ZBTB20: variants seen among roughly 807,000 people sequenced by gnomAD.
The protein encoded by ZBTB20 is zinc finger and BTB domain containing 20.
ZBTB20 carries 9 observed loss-of-function variants against 56.9 expected under a neutral mutation model. The observed-to-expected ratio is 0.16, with a 90% CI of 0.10 to 0.28. The LOEUF is 0.28. ZBTB20 is among the 10% of genes least tolerant of loss of function. The probability of loss-of-function intolerance (pLI) is 1.00; values close to 1 mark genes in which losing one functional copy is unlikely to be tolerated. For synonymous variants in ZBTB20, 417 were observed against 420.7 expected (o/e 0.99, Z 0.11); for missense variants, 655 against 1,003.0 (o/e 0.65, Z 4.69).
chr3:114,865,638 G>A (rs73857864), intron 4 of ZBTB20, among the ~76,000 whole-genome samples: 1 of 152,128 alleles, frequency 6.6e-6, no homozygotes, highest in African/African-American at 2.4e-5. Flanking sequence ...GAAGAAATTT[G>A]TTGCAAAGCC....
chr3:114,854,531 C>T (rs551312418), intron 4 of ZBTB20, among the ~76,000 whole-genome samples: 2 of 152,236 alleles, frequency 1.3e-5, no homozygotes, highest in African/African-American at 4.8e-5. Flanking sequence ...TTTTCTGTGG[C>T]TTTAAATTGG....
intron 3 of ZBTB20, among the ~76,000 whole-genome samples, chr3:114,905,178 T>G (rs941037460): frequency 2.4e-4 from 37 of 151,952 alleles, no homozygotes; most frequent in African/African-American, 8.9e-4. Context: ...TAACTTAAAC[T>G]TCACAACTTT....
chr3:115,068,942 A>G (rs1050660873), intron 2 of ZBTB20, among the ~76,000 whole-genome samples: 1 of 152,104 alleles, frequency 6.6e-6, no homozygotes, highest in South Asian at 2.1e-4. Flanking sequence ...CACTGAATCA[A>G]CCACTATAAC....
intron 6 of ZBTB20, among the ~76,000 whole-genome samples, chr3:114,554,592 G>A (rs1369791522): frequency 6.6e-6 from 1 of 152,100 alleles, no homozygotes; most frequent in African/African-American, 2.4e-5. Flanking sequence ...CTCATAAAAG[G>A]TGATGCATAT....
Position 114,662,176 on chromosome 3 carries a change from T to C in ZBTB20, c.-295+31352A>G, listed in dbSNP as rs1375586245. On this transcript the variant is annotated intron_variant, in intron 6 of 11. Coordinates refer to ENST00000675478, the MANE Select transcript of ZBTB20 (RefSeq NM_001348800.3). Reference sequence around the variant, plus strand: ...GGTGTTTGGTTTTTTGTTCTTGCGATAGTTTACTGAGAATGATGATTTCCA... The same window carrying C: ...GGTGTTTGGTTTTTTGTTCTTGCGACAGTTTACTGAGAATGATGATTTCCA... Among the ~76,000 whole-genome samples the C allele has an allele frequency of 5.3e-5, 8 of 151,700 alleles. No individual in the cohort carries two copies. The East Asian group carries it at 1.4e-3, about 26-fold the overall frequency.
chr3:114,333,002 C>G lies in ZBTB20; in HGVS notation c.*6003G>C, dbSNP rs763131881. The stretch of plus-strand genomic sequence containing the variant: ...TCACTCTAAAAAGGATGGAAACAAG[C>G]CCTACTGTTCCATAACCATTCCCAG... On this transcript the variant is annotated 3_prime_UTR_variant, in exon 12 of 12. Coordinates refer to ENST00000675478, the MANE Select transcript of ZBTB20 (RefSeq NM_001348800.3). The G allele has an allele frequency of 6.6e-6, 1 of 152,204 alleles. No individual in the cohort carries two copies. Among genetic ancestry groups the G allele is most frequent in the Non-Finnish European group, 1.5e-5 (1 of 68,040 alleles). The allele number at this position is 152,204 out of a possible 1,614,324, so 9.4% of individuals were successfully genotyped here. A position where few individuals can be genotyped will look rare whatever the true frequency, so the allele number is the denominator to read the frequency against.
At chr3:114,369,076 C>A (rs1032258848) in intron 10 of ZBTB20, among the ~76,000 whole-genome samples, 4 of 152,210 alleles carry the variant, frequency 2.6e-5, no homozygotes, top group African/African-American at 9.6e-5. Flanking sequence ...ATGCACCTTT[C>A]TTTCATTGTC....
chr3:114,705,771 G>C (rs2063684740), intron 5 of ZBTB20, among the ~76,000 whole-genome samples: 2 of 152,104 alleles, frequency 1.3e-5, no homozygotes, highest in Admixed American at 1.3e-4. Context: ...TTTACACTTT[G>C]GCCAGCTAAC....
At chr3:114,373,109 G>A (rs1239655578) in intron 10 of ZBTB20, among the ~76,000 whole-genome samples, 5 of 152,004 alleles carry the variant, frequency 3.3e-5, no homozygotes, top group African/African-American at 1.2e-4. Context: ...TAGAGACAGG[G>A]TTTCACCATT....
At chr3:114,360,494 T>A (rs1025940329) in intron 10 of ZBTB20, among the ~76,000 whole-genome samples, 14 of 151,564 alleles carry the variant, frequency 9.2e-5, no homozygotes, top group African/African-American at 3.4e-4. Context: ...ACAAGCGTGC[T>A]ACCAAACTCG....
At chr3:114,592,228 C>A (rs1249635071) in intron 6 of ZBTB20, among the ~76,000 whole-genome samples, 1 of 152,052 alleles carries the variant, frequency 6.6e-6, no homozygotes, top group Non-Finnish European at 1.5e-5. Flanking sequence ...ATTTTTTGGT[C>A]ATTTGAGACA....
intron 7 of ZBTB20, among the ~76,000 whole-genome samples, chr3:114,412,362 C>T (rs1169279872): frequency 6.6e-6 from 1 of 152,070 alleles, no homozygotes; most frequent in Non-Finnish European, 1.5e-5. Flanking sequence ...ACAGTGGTGC[C>T]AAGTGTGAGC....
intron 6 of ZBTB20, among the ~76,000 whole-genome samples, chr3:114,543,419 T>C (rs752854389): frequency 3.9e-5 from 6 of 152,100 alleles, no homozygotes; most frequent in Non-Finnish European, 8.8e-5. Context: ...TTTCTCTGAA[T>C]AGAGGGGAGC....
intron 6 of ZBTB20, among the ~76,000 whole-genome samples, chr3:114,641,747 T>A (rs2107920528): frequency 6.6e-6 from 1 of 151,998 alleles, no homozygotes; most frequent in Non-Finnish European, 1.5e-5. Context: ...AGAAAAAAAA[T>A]GATGTTCTGA....
Position 114,662,475 on chromosome 3 carries a change from G to A in ZBTB20, c.-295+31053C>T, listed in dbSNP as rs572698519. ...TCTAGTTCTAGATCCCTGAGGAATC[G>A]CCACACTCACTTCCACAATGGTTGA... On this transcript the variant is annotated intron_variant, in intron 6 of 11. Coordinates refer to ENST00000675478, the MANE Select transcript of ZBTB20 (RefSeq NM_001348800.3). 1.2e-3 allele frequency among the ~76,000 whole-genome samples: 177 copies of A among 146,102 alleles called. 3 individuals carry two copies. Among genetic ancestry groups the A allele is most frequent in the African/African-American group, 4.0e-3 (154 of 38,654 alleles).
At chr3:114,911,223 T>C (rs768966253) in intron 3 of ZBTB20, among the ~76,000 whole-genome samples, 18 of 151,882 alleles carry the variant, frequency 1.2e-4, no homozygotes, top group Non-Finnish European at 2.2e-4. Context: ...GAGGGTAGAA[T>C]CAAGCCCACA....
At chr3:115,015,001 C>T (rs111480044) in intron 2 of ZBTB20, among the ~76,000 whole-genome samples, 3,014 of 151,822 alleles carry the variant, frequency 0.02, 40 homozygotes, top group South Asian at 0.032. Context: ...AATGACATCA[C>T]ATTTGTAGTT....
At chr3:114,797,626 T>A (rs541161925) in intron 5 of ZBTB20, among the ~76,000 whole-genome samples, 14 of 152,082 alleles carry the variant, frequency 9.2e-5, no homozygotes, top group Admixed American at 3.3e-4. Flanking sequence ...AAATATTTTG[T>A]TATAGGAGGC....
intron 2 of ZBTB20, among the ~76,000 whole-genome samples, chr3:115,046,727 T>C (rs562115781): frequency 1.3e-5 from 2 of 152,224 alleles, no homozygotes; most frequent in Non-Finnish European, 2.9e-5. Flanking sequence ...TTTCCATTCA[T>C]GTAAAAACCT....
Sources: allele counts gnomAD v4.1 joint callset (sites outside exome capture counted in the v4.1 genomes callset), GRCh38; gene constraint gnomAD v4.1.1; transcripts MANE v1.5; gene names NCBI Gene and HGNC (gene_info 2026-07-23, HGNC 2026-07-21).